Variants in TRPM2 observed in about 807,000 individuals in gnomAD.
TRPM2 encodes the protein estrogen-responsive element-associated gene 1 protein.
Under a neutral mutation model 174.0 loss-of-function variants are expected in TRPM2, and 161 were observed. The ratio of observed to expected loss-of-function variants is 0.93; its 90% CI spans 0.81 to 1.05. TRPM2 has a LOEUF of 1.05. Ranked by LOEUF, TRPM2 falls within the 50% of genes least tolerant of loss-of-function variation. TRPM2 has a pLI of 0.00. For synonymous variants in TRPM2, 954 were observed against 861.3 expected, an observed-to-expected ratio of 1.11 and a Z score of -1.88; for missense variants, 2,057 against 2,038.0, an observed-to-expected ratio of 1.01 and a Z score of -0.18.
intron 5 of TRPM2, among the ~76,000 whole-genome samples, chr21:44,371,989 C>G (rs964735965): frequency 2.6e-5 from 4 of 152,180 alleles, no homozygotes; most frequent in Admixed American, 6.6e-5. Flanking sequence ...CAAAAATTAA[C>G]TGGGCATAGT....
chr21:44,374,505 C>A (rs191306812), intron 5 of TRPM2, among the ~76,000 whole-genome samples: 6 of 152,082 alleles, frequency 3.9e-5, no homozygotes, highest in Non-Finnish European at 7.4e-5. Context: ...TCATACAGCT[C>A]ACCATAATGT....
At chr21:44,427,180 C>A in intron 27 of TRPM2, 69 bp downstream of exon 27, 1 of 1,324,152 alleles carries the variant, frequency 7.6e-7, no homozygotes, top group Non-Finnish European at 1.0e-6. Flanking sequence ...GGTTTCCTCT[C>A]TGGGCAAAGG....
intron 9 of TRPM2, among the ~76,000 whole-genome samples, chr21:44,388,991 T>C (rs951949267): frequency 1.3e-5 from 2 of 152,196 alleles, no homozygotes; most frequent in African/African-American, 4.8e-5. Flanking sequence ...ATGTACTGTA[T>C]AACAAGCACA....
At chr21:44,427,402 G>A (rs2050842598) in intron 27 of TRPM2, among the ~76,000 whole-genome samples, 1 of 152,214 alleles carries the variant, frequency 6.6e-6, no homozygotes, top group Non-Finnish European at 1.5e-5. Context: ...TGCTGGGAGA[G>A]GACGATGCCT....
intron 19 of TRPM2, among the ~76,000 whole-genome samples, chr21:44,410,387 T>C (rs1471337083): frequency 8.4e-5 from 6 of 71,842 alleles, no homozygotes; most frequent in African/African-American, 2.0e-4. Flanking sequence ...ACTGTCTTGG[T>C]GTAGCCTTGT....
rs1326605132 is a variant in TRPM2 at position 44,405,541 on chromosome 21, A to AG, written c.2657+281_2657+282insG. 1.4e-4 allele frequency among the ~76,000 whole-genome samples: 22 copies of AG among 152,242 alleles called. No homozygotes were observed. In the East Asian group the frequency reaches 4.1e-3, roughly 28 times the overall value. ...CTCTGGAATTGTCCCAGCTCCACGGACACGCGGCTGCCGCTTTCTCCCTCT... is the reference window on the plus strand; with the variant it reads ...CTCTGGAATTGTCCCAGCTCCACGGAGCACGCGGCTGCCGCTTTCTCCCTCT... On this transcript the variant is annotated intron_variant, in intron 17 of 31. Coordinates refer to ENST00000397928, the MANE Select transcript of TRPM2 (RefSeq NM_003307.4).
At chr21:44,400,456 C>A in intron 15 of TRPM2, 85 bp downstream of exon 15, 1 of 1,181,354 alleles carries the variant, frequency 8.5e-7, no homozygotes, top group Non-Finnish European at 1.2e-6. Flanking sequence ...TTCCCTAGAT[C>A]CCCTCGCTGG....
At position 44,394,722 on chromosome 21, in the gene TRPM2, G is replaced by T. The variant is rs1322676266; in HGVS notation, c.1795-692G>T. Reference sequence around the variant, plus strand: ...ATGCTTAGGAAGGTCCAAAGCAGAAGCTCAGGCTTATCTGTACCTGTGGTT... The same window carrying T: ...ATGCTTAGGAAGGTCCAAAGCAGAATCTCAGGCTTATCTGTACCTGTGGTT... On this transcript the variant is annotated intron_variant, in intron 11 of 31. Transcript: ENST00000397928. Among the ~76,000 whole-genome samples, 13 of 151,628 alleles carry T rather than the reference G, an allele frequency of 8.6e-5. No homozygotes were observed. The East Asian group carries it at 1.6e-3, about 18-fold the overall frequency.
rs555289671 is a variant in TRPM2, at chr21:44,432,773, C to CAGCT, written c.3975-2357_3975-2354dup. Among the ~76,000 whole-genome samples the CAGCT allele has an allele frequency of 6.8e-4, 103 of 152,290 alleles. No individual in the cohort carries two copies. The highest frequency in any genetic ancestry group is 2.5e-3 in the African/African-American group (102 of 41,558). On this transcript the variant is annotated intron_variant, in intron 27 of 31. Coordinates refer to ENST00000397928, the MANE Select transcript of TRPM2 (RefSeq NM_003307.4). This position sits in a 1 kb window ranked among gnomAD's most constrained non-coding sequence, Gnocchi z 4.9. ...ATTCTGCCTTGTTCAACCCATAGGC[C>CAGCT]AGCTCTCCACCCCTCAACCCACCTG... is the stretch of plus-strand genomic sequence containing the variant.
At position 44,391,380 on chromosome 21, in the gene TRPM2, G is replaced by A; in HGVS notation, c.1549G>A (p.Asp517Asn). The change falls in exon 11 of 32, where the codon GAC becomes AAC. Residue 517 changes from aspartate (D) to asparagine (N), a missense_variant. Coordinates refer to ENST00000397928, the MANE Select transcript of TRPM2 (RefSeq NM_003307.4). The surrounding 1 kb of genome is among the most constrained non-coding windows in gnomAD (Gnocchi z 5.0). ...GVQLKEFVTW[D>N]TLLYLYENLD... ...GCAGCTGAAGGAGTTTGTCACCTGG[G>A]ACACCTTGCTCTACCTGTACGAGAA... 2 of 1,614,164 alleles carry A rather than the reference G, an allele frequency of 1.2e-6. No homozygotes were observed. Among genetic ancestry groups the A allele is most frequent in the Non-Finnish European group, 1.7e-6 (2 of 1,180,046 alleles).
intron 27 of TRPM2, among the ~76,000 whole-genome samples, chr21:44,429,277 T>A (rs910892518): frequency 1.9e-4 from 25 of 129,082 alleles, no homozygotes; most frequent in Admixed American, 3.2e-4. Context: ...TTTTTCTTTT[T>A]CTTTTTTTTT....
At chr21:44,362,786 GT>G (rs201000468) in intron 2 of TRPM2, among the ~76,000 whole-genome samples, 1 of 150,920 alleles carries the variant, frequency 6.6e-6, no homozygotes, top group African/African-American at 2.4e-5. Context: ...TGTTTTTTTT[GT>G]TTTTTTTGAG....
At chr21:44,382,285 A>G (rs897051801) in intron 8 of TRPM2, among the ~76,000 whole-genome samples, 5 of 152,198 alleles carry the variant, frequency 3.3e-5, no homozygotes, top group African/African-American at 9.7e-5. Context: ...GGATAGATAG[A>G]TCAGATTATG....
At chr21:44,435,334 A>G in intron 28 of TRPM2, 117 bp downstream of exon 28, 1 of 1,087,236 alleles carries the variant, frequency 9.2e-7, no homozygotes, top group Non-Finnish European at 1.3e-6. Flanking sequence ...GATGCTTGGC[A>G]CTTGGTGCCT....
intron 4 of TRPM2, 174 bp from the exon 5 acceptor site, chr21:44,369,003 G>A (rs556188733): frequency 3.8e-5 from 23 of 611,166 alleles, no homozygotes; most frequent in African/African-American, 3.7e-4. Context: ...CCACCTGAGC[G>A]CGTGGGAACC....
chr21:44,352,427 C>T (rs2123001314), upstream of TRPM2, among the ~76,000 whole-genome samples: 5 of 152,342 alleles, frequency 3.3e-5, no homozygotes, highest in South Asian at 4.1e-4. Flanking sequence ...CTTCGAGCTG[C>T]GTGGCCCCGA....
rs749920609 is a variant in TRPM2 at position 44,418,062 on chromosome 21, C to T, written c.3282C>T (p.Ile1094=). The change falls in exon 21 of 32, where the codon ATC becomes ATT. Residue 1094 remains isoleucine, a synonymous_variant. Transcript: ENST00000397928. ...FILLSHLQLF[I]KRVVLKTPAK... ...TCCTCAGCCACCTGCAGCTCTTCAT[C>T]AAGAGGGTGGTCCTGAAGACTCCGG... The T allele has an allele frequency of 6.2e-7, 1 of 1,613,074 alleles. No individual in the cohort carries two copies. Among genetic ancestry groups the T allele is most frequent in the African/African-American group, 1.3e-5 (1 of 74,944 alleles).
upstream of TRPM2, chr21:44,353,138 A>G (rs908048558): frequency 6.6e-6 from 1 of 152,312 alleles, no homozygotes; most frequent in Non-Finnish European, 1.5e-5. Flanking sequence ...CCTGAGCGAC[A>G]AAGTGGGACT....
intron 31 of TRPM2, 67 bp from the exon 32 acceptor site, chr21:44,441,625 T>G (rs910562064): frequency 1.3e-6 from 2 of 1,531,670 alleles, no homozygotes; most frequent in African/African-American, 2.7e-5. Context: ...AAGGCTGCAG[T>G]CCGTAGGGCT....
Sources: gnomAD v4.1 joint callset for allele counts (sites outside exome capture counted in the v4.1 genomes callset) on GRCh38, gnomAD v4.1.1 for gene constraint, Gnocchi (gnomAD v3.1) non-coding constraint, MANE v1.5 for transcripts, NCBI Gene and HGNC (gene_info 2026-07-23, HGNC 2026-07-21) for gene names.